SH3RF3: variants seen among roughly 807,000 people sequenced by gnomAD.
SH3RF3 encodes SH3 domain containing ring finger 3.
A neutral mutation model predicts 66.3 loss-of-function variants in SH3RF3; 29 were observed. The ratio of observed to expected loss-of-function variants is 0.44; its 90% CI spans 0.33 to 0.60. The LOEUF is 0.60. SH3RF3 is among the 20% of genes least tolerant of loss of function. SH3RF3 has a pLI of 0.04. For synonymous variants in SH3RF3, 583 were observed against 532.0 expected, an observed-to-expected ratio of 1.10 and a Z score of -1.32; for missense variants, 1,194 against 1,190.9, an observed-to-expected ratio of 1.00 and a Z score of -0.04.
chr2:109,455,301 T>C (rs552710275), intron 8 of SH3RF3, among the ~76,000 whole-genome samples: 7 of 152,266 alleles, frequency 4.6e-5, no homozygotes, highest in African/African-American at 1.2e-4. Flanking sequence ...TGGGTCCACA[T>C]TGGACCCAGC....
intron 3 of SH3RF3, among the ~76,000 whole-genome samples, chr2:109,384,798 G>A (rs560285551): frequency 6.6e-6 from 1 of 152,178 alleles, no homozygotes; most frequent in Non-Finnish European, 1.5e-5. Context: ...AGGGTCTTGG[G>A]CCCCTGGGGA....
chr2:109,177,553 G>A (rs746861118), intron 1 of SH3RF3, among the ~76,000 whole-genome samples: 1 of 152,044 alleles, frequency 6.6e-6, no homozygotes. Flanking sequence ...CTGCTCTGGG[G>A]GGGGGCACCA....
intron 1 of SH3RF3, among the ~76,000 whole-genome samples, chr2:109,171,053 G>A (rs1199886501): frequency 6.6e-6 from 1 of 152,110 alleles, no homozygotes; most frequent in Non-Finnish European, 1.5e-5. Context: ...TCTGTGTCCT[G>A]GTTTGGTTCA....
At chr2:109,456,386 C>T (rs1302620063) in intron 8 of SH3RF3, among the ~76,000 whole-genome samples, 4 of 152,218 alleles carry the variant, frequency 2.6e-5, no homozygotes, top group Admixed American at 6.5e-5. Flanking sequence ...TGAATCCCAG[C>T]TGCCAAAAAA....
chr2:109,273,386 G>C (rs763487477), intron 1 of SH3RF3, among the ~76,000 whole-genome samples: 3 of 152,218 alleles, frequency 2.0e-5, no homozygotes, highest in African/African-American at 4.8e-5. Context: ...CATGGATGAG[G>C]GGGGAGGCAG....
At chr2:109,306,618 A>T (rs912174647) in intron 1 of SH3RF3, among the ~76,000 whole-genome samples, 1 of 152,226 alleles carries the variant, frequency 6.6e-6, no homozygotes, top group African/African-American at 2.4e-5. Context: ...ACCCACTGTT[A>T]TGCAAGTATC....
intron 8 of SH3RF3, among the ~76,000 whole-genome samples, chr2:109,464,636 A>G (rs956197666): frequency 4.6e-5 from 7 of 152,220 alleles, no homozygotes; most frequent in African/African-American, 1.7e-4. Flanking sequence ...TCATCCTTCC[A>G]AGACTTTTTT....
At chr2:109,352,619 C>G (rs1174952342) in intron 2 of SH3RF3, among the ~76,000 whole-genome samples, 1 of 152,250 alleles carries the variant, frequency 6.6e-6, no homozygotes, top group Non-Finnish European at 1.5e-5. Context: ...CTCTCCCTTC[C>G]TGGGCACCCC....
intron 1 of SH3RF3, among the ~76,000 whole-genome samples, chr2:109,331,464 C>G (rs1453830180): frequency 6.6e-6 from 1 of 152,132 alleles, no homozygotes; most frequent in Non-Finnish European, 1.5e-5. Flanking sequence ...GGAGCACTTT[C>G]TCCCAAAACC....
intron 1 of SH3RF3, among the ~76,000 whole-genome samples, chr2:109,219,395 T>C (rs1679176402): frequency 1.3e-5 from 2 of 152,206 alleles, no homozygotes; most frequent in Non-Finnish European, 1.5e-5. Context: ...CATTTTAGTA[T>C]TGCAAAAGGA....
At chr2:109,266,707 C>T (rs537782171) in intron 1 of SH3RF3, among the ~76,000 whole-genome samples, 4 of 152,268 alleles carry the variant, frequency 2.6e-5, no homozygotes, top group Admixed American at 1.3e-4. Flanking sequence ...GCTTCTAAGC[C>T]GTAGTCAGTG....
chr2:109,478,776 C>A (rs1678758350), intron 8 of SH3RF3, among the ~76,000 whole-genome samples: 2 of 152,170 alleles, frequency 1.3e-5, no homozygotes, highest in Admixed American at 1.3e-4. Context: ...CAGGTTGGGT[C>A]TAGCCCTGGG....
chr2:109,394,914 G>A (rs1039133037), intron 3 of SH3RF3, among the ~76,000 whole-genome samples: 14 of 152,236 alleles, frequency 9.2e-5, no homozygotes, highest in East Asian at 7.7e-4. Context: ...ATGGGTGCAC[G>A]GGAGCCGCCG....
At chr2:109,419,049 G>T (rs903324193) in intron 4 of SH3RF3, among the ~76,000 whole-genome samples, 1 of 152,098 alleles carries the variant, frequency 6.6e-6, no homozygotes, top group Non-Finnish European at 1.5e-5. Flanking sequence ...CTTGGGGGGA[G>T]GGGGGCACCC....
intron 3 of SH3RF3, among the ~76,000 whole-genome samples, chr2:109,378,547 C>T (rs1479707037): frequency 6.6e-6 from 1 of 152,164 alleles, no homozygotes; most frequent in Non-Finnish European, 1.5e-5. Flanking sequence ...TGGTTACTGA[C>T]TTTGTGAATT....
intron 1 of SH3RF3, among the ~76,000 whole-genome samples, chr2:109,231,637 A>T (rs1679517957): frequency 6.6e-6 from 1 of 152,214 alleles, no homozygotes; most frequent in Non-Finnish European, 1.5e-5. Context: ...CTCAGATGAC[A>T]TGTGGCTGAG....
Position 109,230,908 on chromosome 2 carries a change from C to T in SH3RF3, c.573+100795C>T, listed in dbSNP as rs558907200. Reference sequence around the variant, plus strand: ...GGGGCTTTGGGGGCTTCTCCCATCTCGGCTAAGGGACAGCTCAAACAGGAA... The same window carrying T: ...GGGGCTTTGGGGGCTTCTCCCATCTTGGCTAAGGGACAGCTCAAACAGGAA... On this transcript the variant is annotated intron_variant, in intron 1 of 9. Coordinates refer to ENST00000309415, the MANE Select transcript of SH3RF3 (RefSeq NM_001099289.3). Among the ~76,000 whole-genome samples, 12 of 152,330 alleles carry T rather than the reference C, an allele frequency of 7.9e-5. No homozygotes were observed. The East Asian group carries it at 1.3e-3, about 17-fold the overall frequency.
At chr2:109,450,398 G>A (rs932573136) in intron 8 of SH3RF3, among the ~76,000 whole-genome samples, 1 of 151,892 alleles carries the variant, frequency 6.6e-6, no homozygotes, top group African/African-American at 2.4e-5. Context: ...ACTTGTTCCG[G>A]TTGCCACCCT....
chr2:109,346,036 C>T (rs187209511), intron 1 of SH3RF3, among the ~76,000 whole-genome samples: 47 of 152,348 alleles, frequency 3.1e-4, no homozygotes. Flanking sequence ...TGGCCTGCAG[C>T]CAACTGCCCC....
Sources: allele counts gnomAD v4.1 joint callset (sites outside exome capture counted in the v4.1 genomes callset), GRCh38; gene constraint gnomAD v4.1.1; transcripts MANE v1.5; gene names NCBI Gene and HGNC (gene_info 2026-07-23, HGNC 2026-07-21).